The following HS2ST1 variants were observed in gnomAD, a reference collection of about 807,000 sequenced individuals.
The protein encoded by HS2ST1 is 2-O-sulfotransferase.
In HS2ST1, 18 loss-of-function variants were observed where a neutral mutation model predicts 42.9. The ratio of observed to expected loss-of-function variants is 0.42; its 90% CI spans 0.29 to 0.62. The LOEUF (loss-of-function observed/expected upper bound fraction) is 0.62, where lower values mean the gene tolerates loss of function less well. HS2ST1 is among the 20% of genes least tolerant of loss of function. The probability of loss-of-function intolerance (pLI) is 0.21; values close to 1 mark genes in which losing one functional copy is unlikely to be tolerated. For missense variants in HS2ST1, 334 were observed against 433.8 expected (o/e 0.77, Z 2.04); for synonymous variants, 146 against 152.9 (o/e 0.95, Z 0.33).
chr1:86,983,006 C>G (rs1208578442), intron 1 of HS2ST1, among the ~76,000 whole-genome samples: 1 of 152,188 alleles, frequency 6.6e-6, no homozygotes, highest in Non-Finnish European at 1.5e-5. Context: ...CTGAGACCAC[C>G]TCAGCCTGGA....
intron 1 of HS2ST1, among the ~76,000 whole-genome samples, chr1:87,014,476 A>T (rs112646686): frequency 0.014 from 2,127 of 152,324 alleles, 54 homozygotes; most frequent in African/African-American, 0.049. Context: ...CTGCAATTTG[A>T]GATGTGATTG....
At chr1:86,931,637 A>G (rs1660546495) in intron 1 of HS2ST1, among the ~76,000 whole-genome samples, 1 of 152,110 alleles carries the variant, frequency 6.6e-6, no homozygotes, top group Non-Finnish European at 1.5e-5. Context: ...TTTGTGCCGT[A>G]CATGATTTAT....
Position 86,926,945 on chromosome 1 carries a change from G to A in HS2ST1, c.124+11785G>A, listed in dbSNP as rs1660434583. ...TTTGAAGTGTTATCAATTTTATTCT[G>A]ATTTTAAGAAACCAGGCCTTTTGTA... is the stretch of plus-strand genomic sequence containing the variant. On this transcript the variant is annotated intron_variant, in intron 1 of 6. Coordinates refer to ENST00000370550, the MANE Select transcript of HS2ST1 (RefSeq NM_012262.4). Among the ~76,000 whole-genome samples, 4 of 152,260 alleles carry A rather than the reference G, an allele frequency of 2.6e-5. No individual in the cohort carries two copies. In the South Asian group the frequency reaches 8.3e-4, roughly 32 times the overall value.
intron 1 of HS2ST1, among the ~76,000 whole-genome samples, chr1:87,060,075 G>T (rs559596067): frequency 2.0e-4 from 30 of 152,188 alleles, no homozygotes; most frequent in South Asian, 1.0e-3. Context: ...TTTGGGGAAT[G>T]ATATCAAGAA....
intron 4 of HS2ST1, among the ~76,000 whole-genome samples, chr1:87,094,524 C>T (rs934420320): frequency 7.2e-5 from 11 of 152,046 alleles, no homozygotes; most frequent in African/African-American, 2.7e-4. Flanking sequence ...GTATTTTGCA[C>T]GGTGTCATTC....
At position 87,024,180 on chromosome 1, in the gene HS2ST1, T is replaced by C. The variant is rs538879060; in HGVS notation, c.125-48754T>C. Among the ~76,000 whole-genome samples the C allele has an allele frequency of 5.3e-5, 8 of 151,974 alleles. No homozygotes were observed. The East Asian group carries it at 1.5e-3, about 29-fold the overall frequency. ...AATGGAAGGAGGAAGCATGGTGAAA[T>C]TGAGAGATCAGTAGTCATTTTTAAG... On this transcript the variant is annotated intron_variant, in intron 1 of 6. Coordinates refer to ENST00000370550, the MANE Select transcript of HS2ST1 (RefSeq NM_012262.4).
intron 1 of HS2ST1, among the ~76,000 whole-genome samples, chr1:86,925,840 T>G (rs1660406260): frequency 6.6e-6 from 1 of 152,222 alleles, no homozygotes; most frequent in Non-Finnish European, 1.5e-5. Flanking sequence ...AATTCTATCA[T>G]CTGGGTCATT....
At chr1:86,961,917 C>G (rs988963166) in intron 1 of HS2ST1, among the ~76,000 whole-genome samples, 1 of 152,090 alleles carries the variant, frequency 6.6e-6, no homozygotes, top group African/African-American at 2.4e-5. Flanking sequence ...TCTCAAGATT[C>G]ATCCAAGTTA....
At chr1:86,971,004 A>T (rs1188803050) in intron 1 of HS2ST1, among the ~76,000 whole-genome samples, 1 of 152,206 alleles carries the variant, frequency 6.6e-6, no homozygotes, top group African/African-American at 2.4e-5. Flanking sequence ...TCAGTTGATT[A>T]TCTAGGGATA....
chr1:86,986,601 A>G (rs1404743012), intron 1 of HS2ST1, among the ~76,000 whole-genome samples: 1 of 152,230 alleles, frequency 6.6e-6, no homozygotes, highest in African/African-American at 2.4e-5. Context: ...GGTAATCACT[A>G]GCATCCTTAA....
chr1:86,934,106 A>G (rs926630136), intron 1 of HS2ST1, among the ~76,000 whole-genome samples: 2 of 152,040 alleles, frequency 1.3e-5, no homozygotes, highest in Middle Eastern at 3.2e-3. Context: ...TTACCTCCCA[A>G]TACTTAAGTG....
intron 1 of HS2ST1, among the ~76,000 whole-genome samples, chr1:86,979,197 G>T (rs568785357): frequency 6.6e-6 from 1 of 152,032 alleles, no homozygotes; most frequent in Non-Finnish European, 1.5e-5. Context: ...ATTTTTCATT[G>T]TAATAAAATA....
chr1:86,939,933 CTTAG>C (rs113174452), intron 1 of HS2ST1, among the ~76,000 whole-genome samples: 7,600 of 152,210 alleles, frequency 0.05, 650 homozygotes, highest in African/African-American at 0.17. Flanking sequence ...ATAATGTTTT[CTTAG>C]TTAGCCTAAT....
At chr1:86,953,477 G>T (rs1397580861) in intron 1 of HS2ST1, among the ~76,000 whole-genome samples, 1 of 152,096 alleles carries the variant, frequency 6.6e-6, no homozygotes, top group South Asian at 2.1e-4. Context: ...AGTGAGTGAT[G>T]AGGGAGTAAT....
chr1:86,956,946 A>G (rs72722283), intron 1 of HS2ST1, among the ~76,000 whole-genome samples: 20,838 of 152,198 alleles, frequency 0.14, 1,518 homozygotes, highest in African/African-American at 0.18. Flanking sequence ...CAGTAAAAAT[A>G]CATTATATAA....
At chr1:87,087,414 T>C (rs988681164) in intron 3 of HS2ST1, among the ~76,000 whole-genome samples, 1 of 152,052 alleles carries the variant, frequency 6.6e-6, no homozygotes, top group African/African-American at 2.4e-5. Flanking sequence ...ACGTATCAGG[T>C]ATGTACCTTT....
At chr1:87,094,377 T>C (rs765448089) in intron 4 of HS2ST1, among the ~76,000 whole-genome samples, 1 of 152,150 alleles carries the variant, frequency 6.6e-6, no homozygotes, top group African/African-American at 2.4e-5. Flanking sequence ...TCACATTTAC[T>C]GTGCACCATA....
intron 1 of HS2ST1, among the ~76,000 whole-genome samples, chr1:87,005,423 GTAAAT>G (rs1353984346): frequency 6.6e-6 from 1 of 151,934 alleles, no homozygotes; most frequent in African/African-American, 2.4e-5. Context: ...AAATTATAAA[GTAAAT>G]AAAGGTATAG....
intron 1 of HS2ST1, among the ~76,000 whole-genome samples, chr1:87,012,328 G>T (rs530195169): frequency 6.6e-6 from 1 of 152,212 alleles, no homozygotes; most frequent in East Asian, 1.9e-4. Context: ...CAATTATGGG[G>T]GAAGGTGAAG....
Sources: allele counts gnomAD v4.1 joint callset (sites outside exome capture counted in the v4.1 genomes callset), GRCh38; gene constraint gnomAD v4.1.1; transcripts MANE v1.5; gene names NCBI Gene and HGNC (gene_info 2026-07-23, HGNC 2026-07-21).